HERC3: variants seen among roughly 807,000 people sequenced by gnomAD.
The protein encoded by HERC3 is probable E3 ubiquitin-protein ligase HERC3.
HERC3 carries 58 observed loss-of-function variants against 129.9 expected under a neutral mutation model. The observed-to-expected ratio is 0.45, with a 90% CI of 0.36 to 0.56. The LOEUF is 0.56. Ranked by LOEUF, HERC3 falls within the 20% of genes least tolerant of loss-of-function variation. The pLI, the probability that HERC3 is intolerant of heterozygous loss-of-function variation, is 0.00. For missense variants in HERC3, 835 were observed against 1,244.2 expected (o/e 0.67, Z 4.95); for synonymous variants, 430 against 451.0 (o/e 0.95, Z 0.59).
At chr4:88,678,419 G>A (rs3017919) in intron 19 of HERC3, among the ~76,000 whole-genome samples, 50,215 of 151,972 alleles carry the variant, frequency 0.33, 9,969 homozygotes, top group African/African-American at 0.54. Context: ...AACAACAACA[G>A]AAACGAAAGC....
At chr4:88,557,363 A>G in the HERC3 span, among the ~76,000 whole-genome samples, 3 of 152,150 alleles carry the variant, frequency 2.0e-5, no homozygotes, top group Non-Finnish European at 4.4e-5. Flanking sequence ...AGTCAAATCT[A>G]CCTCCTAAAT....
intron 23 of HERC3, chr4:88,692,824 G>A (rs545355177): frequency 5.4e-5 from 47 of 875,176 alleles, no homozygotes; most frequent in East Asian, 4.8e-4. Flanking sequence ...GTTAGACTGC[G>A]CTCCATGGGT....
In HERC3 at chr4:88,657,668, G is replaced by A. The variant is rs547451175; in HGVS notation, c.1070-747G>A. Reference sequence around the variant, plus strand: ...GCAGGTAAATGTCAGTTATGTAAATGACATGGTTTTAGGAACCCTCTTGGT... The same window carrying A: ...GCAGGTAAATGTCAGTTATGTAAATAACATGGTTTTAGGAACCCTCTTGGT... On this transcript the variant is annotated intron_variant, in intron 9 of 25. Coordinates refer to ENST00000402738, the MANE Select transcript of HERC3 (RefSeq NM_014606.3). 5.3e-5 allele frequency among the ~76,000 whole-genome samples: 8 copies of A among 152,328 alleles called. No individual in the cohort carries two copies. The East Asian group carries it at 1.3e-3, about 26-fold the overall frequency.
Position 88,670,160 on chromosome 4 carries a change from G to A in HERC3, c.1819G>A (p.Val607Met), listed in dbSNP as rs779270846. 6.2e-7 allele frequency: 1 copy of A among 1,612,698 alleles called. No homozygotes were observed. The highest frequency in any genetic ancestry group is 1.7e-5 in the Admixed American group (1 of 59,990). The change falls in exon 16 of 26, where the codon GTG becomes ATG. Residue 607 changes from valine (V) to methionine (M), a missense_variant. Coordinates refer to ENST00000402738, the MANE Select transcript of HERC3 (RefSeq NM_014606.3). ...LYKVNLKVKH[V>M]EYDTFYIPEI... Reference sequence around the variant, plus strand: ...TTAGGTAAATCTTAAAGTGAAGCATGTGGAATATGATACATTTTACATTCC... The same window carrying A: ...TTAGGTAAATCTTAAAGTGAAGCATATGGAATATGATACATTTTACATTCC...
chr4:88,594,180 A>G (rs920773088), intron 1 of HERC3, among the ~76,000 whole-genome samples: 1 of 152,200 alleles, frequency 6.6e-6, no homozygotes, highest in Non-Finnish European at 1.5e-5. Flanking sequence ...AGAATGTTCC[A>G]TGTTGTGTGC....
At chr4:88,604,598 G>A (rs553123460) in intron 2 of HERC3, among the ~76,000 whole-genome samples, 25 of 152,022 alleles carry the variant, frequency 1.6e-4, no homozygotes, top group Non-Finnish European at 2.5e-4. Flanking sequence ...TATATTTACC[G>A]TTCATCCATA....
chr4:88,606,546 G>C (rs1723658056), intron 3 of HERC3, among the ~76,000 whole-genome samples: 1 of 152,178 alleles, frequency 6.6e-6, no homozygotes, highest in South Asian at 2.1e-4. Context: ...CTGCTGATAA[G>C]ACATACCCAA....
At chr4:88,550,886 A>T in the HERC3 span, among the ~76,000 whole-genome samples, 1 of 151,878 alleles carries the variant, frequency 6.6e-6, no homozygotes, top group Admixed American at 6.6e-5. Flanking sequence ...TTCAAACTAT[A>T]CTACAAGGCT....
intron 3 of HERC3, among the ~76,000 whole-genome samples, chr4:88,612,289 C>CTG (rs3220740): frequency 0.061 from 8,656 of 141,606 alleles, 267 homozygotes; most frequent in Middle Eastern, 0.092. Flanking sequence ...ATGTGACCAA[C>CTG]TGTGTGTGTG....
At chr4:88,706,676 C>T in intron 25 of HERC3, 76 bp from the exon 26 acceptor site, 3 of 1,188,422 alleles carry the variant, frequency 2.5e-6, no homozygotes, top group South Asian at 2.7e-5. Flanking sequence ...ATGCCTTCCT[C>T]TCCTGTTGCC....
the HERC3 span, among the ~76,000 whole-genome samples, chr4:88,558,771 G>A: frequency 6.6e-6 from 1 of 151,808 alleles, no homozygotes; most frequent in Non-Finnish European, 1.5e-5. Context: ...AGACCATCCT[G>A]GCTAACATGG....
intron 16 of HERC3, among the ~76,000 whole-genome samples, chr4:88,672,799 T>C (rs1400216641): frequency 6.6e-6 from 1 of 152,168 alleles, no homozygotes; most frequent in African/African-American, 2.4e-5. Context: ...CTTAGCAGAG[T>C]ACTTAGCATA....
the HERC3 span, among the ~76,000 whole-genome samples, chr4:88,562,660 T>C: frequency 6.6e-6 from 1 of 152,198 alleles, no homozygotes; most frequent in Non-Finnish European, 1.5e-5. Context: ...CTTTAATCCA[T>C]TTTGATTTGA....
chr4:88,541,155 A>G, the HERC3 span, among the ~76,000 whole-genome samples: 2 of 152,232 alleles, frequency 1.3e-5, no homozygotes, highest in African/African-American at 4.8e-5. Flanking sequence ...CAAATTGGAT[A>G]AACAGTCAAT....
the HERC3 span, among the ~76,000 whole-genome samples, chr4:88,580,212 C>A: frequency 1.3e-5 from 2 of 152,084 alleles, no homozygotes; most frequent in Non-Finnish European, 2.9e-5. Flanking sequence ...GATTCTGAAC[C>A]TGGATTATGA....
At chr4:88,594,543 A>G (rs990104563) in intron 1 of HERC3, among the ~76,000 whole-genome samples, 15 of 152,136 alleles carry the variant, frequency 9.9e-5, no homozygotes, top group Non-Finnish European at 2.2e-4. Flanking sequence ...AGCTGGGACC[A>G]CAGGCGTGCA....
chr4:88,668,168 G>T (rs903105974), intron 14 of HERC3, 87 bp downstream of exon 14: 2 of 1,062,974 alleles, frequency 1.9e-6, no homozygotes, highest in African/African-American at 3.2e-5. Flanking sequence ...TGAGATCCAA[G>T]AATCTATTTG....
chr4:88,527,099 T>C, the HERC3 span: 1 of 152,220 alleles, frequency 6.6e-6, no homozygotes. Flanking sequence ...TGAAGGATAA[T>C]CACAAATTCT....
the HERC3 span, among the ~76,000 whole-genome samples, chr4:88,525,167 G>T: frequency 6.6e-6 from 1 of 152,090 alleles, no homozygotes; most frequent in African/African-American, 2.4e-5. Context: ...GTCTCTGGTT[G>T]CCTCACCTTC....
Sources: gnomAD v4.1 joint callset for allele counts (sites outside exome capture counted in the v4.1 genomes callset) on GRCh38, gnomAD v4.1.1 for gene constraint, MANE v1.5 for transcripts, NCBI Gene and HGNC (gene_info 2026-07-23, HGNC 2026-07-21) for gene names.